The following HMCES variants were observed in gnomAD, a reference collection of about 807,000 sequenced individuals.
The protein encoded by HMCES is abasic site processing protein HMCES.
In HMCES, 27 loss-of-function variants were observed where a neutral mutation model predicts 35.1. The ratio of observed to expected loss-of-function variants is 0.77; its 90% CI spans 0.57 to 1.06. The LOEUF (loss-of-function observed/expected upper bound fraction) is 1.06. Ranked by LOEUF, HMCES falls within the 50% of genes least tolerant of loss-of-function variation. The pLI is 0.00. For synonymous variants in HMCES, 130 were observed against 154.7 expected, an observed-to-expected ratio of 0.84 and a Z score of 1.18; for missense variants, 391 against 430.4, an observed-to-expected ratio of 0.91 and a Z score of 0.81.
chr3:129,279,949 C>T lies in HMCES; in HGVS notation c.183+34C>T. ...CATTGCACTATGCTAGCCCCTCGCC[C>T]AGCCTCGTGATGGTCATCTCCTATT... On this transcript the variant is annotated intron_variant, in intron 2 of 6. Transcript: ENST00000383463. The surrounding 1 kb of genome is among the most constrained non-coding windows in gnomAD (Gnocchi z 4.2). 1.3e-6 allele frequency: 2 copies of T among 1,500,038 alleles called. No homozygotes were observed. Among genetic ancestry groups the T allele is most frequent in the Non-Finnish European group, 1.8e-6 (2 of 1,123,978 alleles). The allele number at this position is 1,500,038 out of a possible 1,614,324, so 92.9% of individuals were successfully genotyped here.
intron 6 of HMCES, among the ~76,000 whole-genome samples, chr3:129,303,426 G>A (rs1029050826): frequency 7.2e-5 from 11 of 152,062 alleles, no homozygotes; most frequent in South Asian, 2.1e-4. Flanking sequence ...TCCTGCAACC[G>A]TGGCACTTTT....
At chr3:129,298,302 G>T (rs988549206) in intron 4 of HMCES, 52 bp from the exon 5 acceptor site, 1 of 1,536,598 alleles carries the variant, frequency 6.5e-7, no homozygotes, top group African/African-American at 1.4e-5. Flanking sequence ...TAACCTGCAT[G>T]TAGAAGAAGT....
intron 2 of HMCES, among the ~76,000 whole-genome samples, chr3:129,286,346 G>C (rs1389252761): frequency 6.6e-6 from 1 of 152,172 alleles, no homozygotes; most frequent in African/African-American, 2.4e-5. Context: ...CACCATCTGT[G>C]AACCAGAAAG....
chr3:129,283,087 A>G (rs2107685457), intron 2 of HMCES, among the ~76,000 whole-genome samples: 1 of 152,264 alleles, frequency 6.6e-6, no homozygotes, highest in East Asian at 1.9e-4. Context: ...TCTACCAGCT[A>G]GATGTCAGTA....
chr3:129,296,598 T>C (rs2071095757), intron 4 of HMCES, among the ~76,000 whole-genome samples: 1 of 152,176 alleles, frequency 6.6e-6, no homozygotes, highest in South Asian at 2.1e-4. Context: ...TTGTGTGTCT[T>C]GTAATTTTTT....
chr3:129,297,329 G>C (rs1560077035), intron 4 of HMCES, among the ~76,000 whole-genome samples: 1 of 152,032 alleles, frequency 6.6e-6, no homozygotes, highest in Non-Finnish European at 1.5e-5. Context: ...CCAGGGCGTA[G>C]GGGGCTTTTT....
At chr3:129,296,883 C>T (rs1199599391) in intron 4 of HMCES, among the ~76,000 whole-genome samples, 7 of 152,062 alleles carry the variant, frequency 4.6e-5, no homozygotes, top group African/African-American at 7.2e-5. Flanking sequence ...GGACTACAGG[C>T]GCCCGTCACC....
rs2071112429 is a variant in HMCES at position 129,297,847 on chromosome 3, C to T, written c.454-507C>T. ...GAAAAGTTATAATTTTGCATATTAT[C>T]CAGCTTTTTTCTTATTGTTAGAATA... is the stretch of plus-strand genomic sequence containing the variant. On this transcript the variant is annotated intron_variant, in intron 4 of 6. Transcript: ENST00000383463. Among the ~76,000 whole-genome samples the T allele has an allele frequency of 2.6e-5, 4 of 152,252 alleles. 1 individual carries two copies. The South Asian group carries it at 8.3e-4, about 32-fold the overall frequency.
chr3:129,302,147 G>A lies in HMCES; in HGVS notation c.828+5G>A, dbSNP rs1172177992. On this transcript the variant is annotated splice_donor_5th_base_variant and intron_variant, in intron 6 of 6. Coordinates refer to ENST00000383463, the MANE Select transcript of HMCES (RefSeq NM_020187.3). ...GTCGACTTGGTGGTCAAAAAGGTAG[G>A]GGCCTGTGACTGGTACAGTCCTTTT... is the stretch of plus-strand genomic sequence containing the variant. The A allele has an allele frequency of 1.2e-5, 20 of 1,609,408 alleles. No individual in the cohort carries two copies. Among genetic ancestry groups the A allele is most frequent in the Non-Finnish European group, 1.4e-5 (17 of 1,178,060 alleles).
chr3:129,280,231 G>T (rs897942085), intron 2 of HMCES, among the ~76,000 whole-genome samples: 1 of 152,126 alleles, frequency 6.6e-6, no homozygotes, highest in African/African-American at 2.4e-5. Flanking sequence ...CAGGGTCATT[G>T]GAGTATCTTA....
At chr3:129,282,295 CAAAAAAAA>C (rs201242976) in intron 2 of HMCES, among the ~76,000 whole-genome samples, 3 of 91,062 alleles carry the variant, frequency 3.3e-5, no homozygotes, top group African/African-American at 1.0e-4. Context: ...CTGTTTTTAA[CAAAAAAAA>C]AAAAAAAAAG....
intron 2 of HMCES, among the ~76,000 whole-genome samples, chr3:129,280,490 T>G (rs1400310608): frequency 6.6e-6 from 1 of 152,116 alleles, no homozygotes; most frequent in Non-Finnish European, 1.5e-5. Flanking sequence ...ATCAAGACCC[T>G]GCCTAAAGAA....
intron 4 of HMCES, among the ~76,000 whole-genome samples, chr3:129,291,092 C>T (rs1258498402): frequency 6.6e-6 from 1 of 152,012 alleles, no homozygotes; most frequent in Non-Finnish European, 1.5e-5. Context: ...GTCCCAGCTA[C>T]TCGGAAGGCT....
intron 3 of HMCES, among the ~76,000 whole-genome samples, chr3:129,289,514 T>C (rs1260046091): frequency 6.6e-6 from 1 of 152,248 alleles, no homozygotes; most frequent in African/African-American, 2.4e-5. Context: ...GCATTACTTA[T>C]GCTGTATTCT....
At chr3:129,300,227 C>A (rs1044012716) in intron 5 of HMCES, among the ~76,000 whole-genome samples, 1 of 150,450 alleles carries the variant, frequency 6.6e-6, no homozygotes, top group Non-Finnish European at 1.5e-5. Flanking sequence ...GAGCAAAACA[C>A]AATTTTGTAA....
intron 2 of HMCES, among the ~76,000 whole-genome samples, chr3:129,287,194 G>T (rs113136727): frequency 0.016 from 2,386 of 148,648 alleles, 62 homozygotes; most frequent in African/African-American, 0.056. Context: ...CAGTGTTTTT[G>T]TTTTTTTTTG....
chr3:129,281,622 C>T (rs577692226), intron 2 of HMCES, among the ~76,000 whole-genome samples: 2 of 151,964 alleles, frequency 1.3e-5, no homozygotes, highest in Admixed American at 6.6e-5. Flanking sequence ...ACCCGGGAGG[C>T]GAAGGTTGGG....
At chr3:129,298,700 C>T (rs1177524478) in intron 5 of HMCES, among the ~76,000 whole-genome samples, 165 bp downstream of exon 5, 1 of 152,028 alleles carries the variant, frequency 6.6e-6, no homozygotes, top group Non-Finnish European at 1.5e-5. Context: ...CTGTACTATG[C>T]AAAACGATAG....
chr3:129,301,862 T>G, intron 5 of HMCES, 88 bp from the exon 6 acceptor site: 1 of 1,046,474 alleles, frequency 9.6e-7, no homozygotes, highest in Non-Finnish European at 1.4e-6. Context: ...TTGTGATATT[T>G]GAGGTATCAG....
Sources: allele counts gnomAD v4.1 joint callset (sites outside exome capture counted in the v4.1 genomes callset), GRCh38; gene constraint gnomAD v4.1.1; non-coding constraint Gnocchi (gnomAD v3.1); transcripts MANE v1.5; gene names NCBI Gene and HGNC (gene_info 2026-07-23, HGNC 2026-07-21).